Variants in CDH18 observed in about 807,000 individuals in gnomAD.
CDH18 encodes cadherin 18.
In CDH18, 31 loss-of-function variants were observed where a neutral mutation model predicts 67.9. The ratio of observed to expected loss-of-function variants is 0.46; its 90% CI spans 0.34 to 0.62. The LOEUF is 0.62. Among genes scored for constraint, CDH18 ranks in the 20% least tolerant of loss-of-function variants. CDH18 has a pLI of 0.01. For synonymous variants in CDH18, 362 were observed against 347.2 expected (o/e 1.04, Z -0.48); for missense variants, 890 against 975.5 (o/e 0.91, Z 1.17).
chr5:19,530,620 T>A (rs1170270945), intron 9 of CDH18, among the ~76,000 whole-genome samples: 2 of 152,012 alleles, frequency 1.3e-5, no homozygotes, highest in Non-Finnish European at 2.9e-5. Context: ...AGTGTGATGT[T>A]CCCCTTCCTG....
chr5:20,194,095 T>C (rs1159520984), intron 2 of CDH18, among the ~76,000 whole-genome samples: 3 of 151,984 alleles, frequency 2.0e-5, no homozygotes, highest in Admixed American at 6.6e-5. Flanking sequence ...ATCCTATTCA[T>C]AGTATTGGAA....
chr5:20,399,357 G>C (rs1745564961), intron 1 of CDH18, among the ~76,000 whole-genome samples: 1 of 152,092 alleles, frequency 6.6e-6, no homozygotes, highest in Admixed American at 6.6e-5. Flanking sequence ...AGAGAAGTTG[G>C]AAACAACAAT....
At chr5:19,827,311 G>A (rs1780511111) in intron 3 of CDH18, among the ~76,000 whole-genome samples, 2 of 144,604 alleles carry the variant, frequency 1.4e-5, no homozygotes, top group South Asian at 2.2e-4. Context: ...TGACAATATC[G>A]GACAAGTTAT....
In CDH18 at chr5:20,473,844, T is replaced by C. The variant is rs2150244126; in HGVS notation, c.-580+101618A>G. 2.0e-5 allele frequency among the ~76,000 whole-genome samples: 3 copies of C among 152,284 alleles called. No individual in the cohort carries two copies. In the South Asian group the frequency reaches 6.2e-4, roughly 32 times the overall value. ...AGATAATCTTATTTTTCAAAATCAA[T>C]AGAGAAGACATTGTCCATGATATTA... On this transcript the variant is annotated intron_variant, in intron 1 of 14. Transcript: ENST00000507958.
intron 12 of CDH18, among the ~76,000 whole-genome samples, chr5:19,476,432 C>T (rs943708611): frequency 1.3e-5 from 2 of 151,944 alleles, no homozygotes; most frequent in Admixed American, 6.6e-5. Flanking sequence ...TTAATATATG[C>T]CTTTATTTTG....
chr5:20,464,437 A>G (rs559325343), intron 1 of CDH18, among the ~76,000 whole-genome samples: 1 of 148,440 alleles, frequency 6.7e-6, no homozygotes, highest in African/African-American at 2.5e-5. Context: ...GATTTTGTTC[A>G]TTGAGAATTT....
chr5:20,097,875 T>C (rs1746123444), intron 2 of CDH18, among the ~76,000 whole-genome samples: 1 of 152,124 alleles, frequency 6.6e-6, no homozygotes, highest in South Asian at 2.1e-4. Flanking sequence ...ATTTAGTTTG[T>C]ATAAGTTTTA....
At chr5:20,503,147 A>G (rs1754438181) in intron 1 of CDH18, among the ~76,000 whole-genome samples, 1 of 152,026 alleles carries the variant, frequency 6.6e-6, no homozygotes, top group South Asian at 2.1e-4. Flanking sequence ...ATGGGGATGT[A>G]TAGTTTCATA....
At chr5:19,872,261 C>T (rs1178319611) in intron 2 of CDH18, among the ~76,000 whole-genome samples, 2 of 152,034 alleles carry the variant, frequency 1.3e-5, no homozygotes, top group East Asian at 3.9e-4. Context: ...GAAGAAATAC[C>T]CTAAGATAAC....
intron 2 of CDH18, among the ~76,000 whole-genome samples, chr5:20,020,670 G>A (rs1738333454): frequency 6.6e-6 from 1 of 152,148 alleles, no homozygotes; most frequent in African/African-American, 2.4e-5. Flanking sequence ...GCCAAGGGTT[G>A]AGGCTTGGGA....
intron 2 of CDH18, among the ~76,000 whole-genome samples, chr5:19,908,660 A>G (rs555148022): frequency 2.6e-5 from 4 of 152,324 alleles, no homozygotes; most frequent in African/African-American, 9.6e-5. Flanking sequence ...ATCCGTGCAT[A>G]CAAAATATGT....
chr5:19,583,762 G>A (rs1743656720), intron 7 of CDH18, among the ~76,000 whole-genome samples: 1 of 152,112 alleles, frequency 6.6e-6, no homozygotes, highest in African/African-American at 2.4e-5. Context: ...CCTGTAAAGT[G>A]CTTAAACAAG....
chr5:19,574,885 A>G (rs1352367635), intron 7 of CDH18, among the ~76,000 whole-genome samples: 1 of 152,114 alleles, frequency 6.6e-6, no homozygotes, highest in African/African-American at 2.4e-5. Context: ...CTAAAAATAC[A>G]AAAATTAGCC....
chr5:20,218,582 C>T (rs1740967465), intron 2 of CDH18, among the ~76,000 whole-genome samples: 1 of 151,936 alleles, frequency 6.6e-6, no homozygotes, highest in South Asian at 2.1e-4. Flanking sequence ...CCCATAATTC[C>T]CATGTGTTGT....
At chr5:19,704,361 A>ATGG (rs2150495393) in intron 5 of CDH18, among the ~76,000 whole-genome samples, 1 of 152,260 alleles carries the variant, frequency 6.6e-6, no homozygotes, top group South Asian at 2.1e-4. Context: ...GAATGGCCTG[A>ATGG]TGGACAACCT....
intron 5 of CDH18, among the ~76,000 whole-genome samples, chr5:19,681,360 C>T (rs1337792286): frequency 6.6e-6 from 1 of 151,958 alleles, no homozygotes; most frequent in East Asian, 1.9e-4. Context: ...ATATAAAAAA[C>T]CTGAACATTT....
Position 20,373,829 on chromosome 5 carries a change from C to T in CDH18, c.-579-118324G>A, listed in dbSNP as rs189935086. Among the ~76,000 whole-genome samples the T allele has an allele frequency of 9.1e-4, 138 of 152,048 alleles. 1 individual carries two copies. Among genetic ancestry groups the T allele is most frequent in the African/African-American group, 3.2e-3 (133 of 41,484 alleles). The stretch of plus-strand genomic sequence containing the variant: ...TTTCATTTATGCTATTATTGACAAT[C>T]TGTACAATTTCTTTGAAAGCATCTA... On this transcript the variant is annotated intron_variant, in intron 1 of 14. Coordinates refer to the CDH18 transcript ENST00000507958.
At chr5:20,089,982 T>C (rs1745283442) in intron 2 of CDH18, among the ~76,000 whole-genome samples, 1 of 152,176 alleles carries the variant, frequency 6.6e-6, no homozygotes, top group Non-Finnish European at 1.5e-5. Flanking sequence ...TGGTGATTAA[T>C]AATGTTTTGA....
intron 2 of CDH18, among the ~76,000 whole-genome samples, chr5:20,208,258 C>T (rs189532433): frequency 6.6e-6 from 1 of 152,158 alleles, no homozygotes; most frequent in African/African-American, 2.4e-5. Flanking sequence ...TTTATAAAAC[C>T]GTCAGATCTT....
Sources: allele counts gnomAD v4.1 joint callset (sites outside exome capture counted in the v4.1 genomes callset), GRCh38; gene constraint gnomAD v4.1.1; transcripts MANE v1.5; gene names NCBI Gene and HGNC (gene_info 2026-07-23, HGNC 2026-07-21).